The following KLF8 variants were observed in gnomAD, a reference collection of about 807,000 sequenced individuals.
The protein encoded by KLF8 is Krueppel-like factor 8.
In KLF8, 10 loss-of-function variants were observed where a neutral mutation model predicts 18.2. The observed-to-expected ratio is 0.55, with a 90% CI of 0.34 to 0.93. The LOEUF is 0.93. Among genes scored for constraint, KLF8 ranks in the 40% least tolerant of loss-of-function variants. The pLI, the probability that KLF8 is intolerant of heterozygous loss-of-function variation, is 0.02. For synonymous variants in KLF8, 109 were observed against 97.3 expected (o/e 1.12, Z -0.71); for missense variants, 264 against 277.9 (o/e 0.95, Z 0.36).
the KLF8 span, among the ~76,000 whole-genome samples, chrX:56,061,596 T>C: frequency 8.9e-6 from 1 of 111,768 alleles, no homozygotes; most frequent in Non-Finnish European, 1.9e-5. Flanking sequence ...ATGTCATCAA[T>C]TTTAGAATAA....
chrX:55,947,776 C>A, the KLF8 span, among the ~76,000 whole-genome samples: 1 of 111,613 alleles, frequency 9.0e-6, no homozygotes, highest in African/African-American at 3.3e-5. Context: ...AAAATAAATG[C>A]TTTATATTAT....
the KLF8 span, among the ~76,000 whole-genome samples, chrX:56,052,999 C>T: frequency 1.1e-4 from 12 of 111,906 alleles, no homozygotes; most frequent in Admixed American, 1.9e-4. Context: ...GTCAGAAAAG[C>T]GCAGTAGTCA....
the KLF8 span, among the ~76,000 whole-genome samples, chrX:56,178,063 C>T: frequency 8.9e-6 from 1 of 112,047 alleles, no homozygotes; most frequent in Non-Finnish European, 1.9e-5. Context: ...TGAGGTGATG[C>T]CTCTCCCTGC....
At chrX:56,244,712 A>G (rs189547813) in intron 1 of KLF8, among the ~76,000 whole-genome samples, 10 of 112,317 alleles carry the variant, frequency 8.9e-5, no homozygotes, top group Non-Finnish European at 1.9e-4. Flanking sequence ...GCCCATTGCA[A>G]CACTACTCTT....
chrX:56,047,750 G>A, the KLF8 span, among the ~76,000 whole-genome samples: 1 of 111,500 alleles, frequency 9.0e-6, no homozygotes, highest in Admixed American at 9.6e-5. Flanking sequence ...CTTTATAGCA[G>A]CATGATTTAT....
chrX:56,213,304 C>T, the KLF8 span, among the ~76,000 whole-genome samples: 451 of 31,303 alleles, frequency 0.014, 10 homozygotes, highest in African/African-American at 0.049. Context: ...CTTTTCTTTT[C>T]TTTTCTTTTC....
the KLF8 span, among the ~76,000 whole-genome samples, chrX:56,133,278 C>T: frequency 7.0e-4 from 78 of 112,023 alleles, no homozygotes; most frequent in African/African-American, 2.0e-3. Flanking sequence ...AAAATACTAG[C>T]TAACTGAATC....
the KLF8 span, among the ~76,000 whole-genome samples, chrX:56,078,739 C>G: frequency 2.7e-5 from 3 of 111,605 alleles, no homozygotes; most frequent in Non-Finnish European, 3.8e-5. Context: ...CCTTGTACCT[C>G]TGGTAGAATT....
the KLF8 span, among the ~76,000 whole-genome samples, chrX:55,983,814 C>G: frequency 9.1e-6 from 1 of 110,203 alleles, no homozygotes; most frequent in Non-Finnish European, 1.9e-5. Context: ...GTCTATTATA[C>G]CACTCTGTAT....
Position 56,275,866 on chromosome X carries a change from CT to C in KLF8, c.898+5550del, listed in dbSNP as rs745329633. ...ATCCCATTTGGACATGATGAATTAT[CT>C]TTTTAATGTGTTGCTAGTATTTTGT... On this transcript the variant is annotated intron_variant, in intron 5 of 5. Transcript: ENST00000468660. 4.1e-4 allele frequency among the ~76,000 whole-genome samples: 46 copies of C among 111,926 alleles called. No homozygotes were observed. In the South Asian group the frequency reaches 6.7e-3, roughly 16 times the overall value.
At chrX:56,118,594 A>T in the KLF8 span, among the ~76,000 whole-genome samples, 324 of 111,494 alleles carry the variant, frequency 2.9e-3, no homozygotes, top group African/African-American at 0.01. Flanking sequence ...TGATTTGTTT[A>T]GGGTCACACT....
the KLF8 span, among the ~76,000 whole-genome samples, chrX:56,130,180 A>C: frequency 9.1e-6 from 1 of 110,264 alleles, no homozygotes; most frequent in African/African-American, 3.3e-5. Flanking sequence ...TGAAATCCTC[A>C]CCTCCTGGCA....
intron 5 of KLF8, among the ~76,000 whole-genome samples, chrX:56,278,371 G>A (rs946789156): frequency 1.4e-4 from 16 of 110,492 alleles, no homozygotes; most frequent in Non-Finnish European, 3.0e-4. Context: ...TAGGTGATGC[G>A]TCCTGCCAGA....
chrX:55,935,034 C>T, the KLF8 span, among the ~76,000 whole-genome samples: 8 of 111,883 alleles, frequency 7.2e-5, no homozygotes, highest in African/African-American at 2.6e-4. Flanking sequence ...TAGTTTCATA[C>T]TAATACTAAC....
chrX:56,245,959 A>T (rs1209150829), intron 1 of KLF8, among the ~76,000 whole-genome samples: 1 of 111,997 alleles, frequency 8.9e-6, no homozygotes, highest in African/African-American at 3.2e-5. Flanking sequence ...AATATTTTTT[A>T]AAATTAAATT....
chrX:56,137,681 T>A, the KLF8 span, among the ~76,000 whole-genome samples: 180 of 106,378 alleles, frequency 1.7e-3, 1 homozygote, highest in African/African-American at 6.1e-3. Context: ...GCAGCACACC[T>A]GCATGGCACA....
At chrX:55,924,534 A>AT in the KLF8 span, among the ~76,000 whole-genome samples, 3 of 111,412 alleles carry the variant, frequency 2.7e-5, no homozygotes, top group Non-Finnish European at 5.7e-5. Context: ...TGTTTGATGC[A>AT]TTTTTTTCCC....
chrX:55,941,405 A>C, the KLF8 span, among the ~76,000 whole-genome samples: 1 of 111,873 alleles, frequency 8.9e-6, no homozygotes, highest in South Asian at 3.7e-4. Context: ...TAGACCTAAA[A>C]CCATAAAAAC....
At chrX:56,273,543 T>A (rs910025775) in intron 5 of KLF8, among the ~76,000 whole-genome samples, 2 of 110,061 alleles carry the variant, frequency 1.8e-5, no homozygotes, top group Non-Finnish European at 3.8e-5. Flanking sequence ...AGTTCAATTA[T>A]TTTAATTTTT....
Sources: allele counts gnomAD v4.1 joint callset (sites outside exome capture counted in the v4.1 genomes callset), GRCh38; gene constraint gnomAD v4.1.1; transcripts MANE v1.5; gene names NCBI Gene and HGNC (gene_info 2026-07-23, HGNC 2026-07-21).